HERC1: variants seen among roughly 807,000 people sequenced by gnomAD.
HERC1 encodes probable E3 ubiquitin-protein ligase HERC1.
Under a neutral mutation model 554.3 loss-of-function variants are expected in HERC1, and 160 were observed. The ratio of observed to expected loss-of-function variants is 0.29; its 90% CI spans 0.25 to 0.33. HERC1 has a LOEUF of 0.33. Among genes scored for constraint, HERC1 ranks in the 10% least tolerant of loss-of-function variants. HERC1 has a pLI of 1.00. For synonymous variants in HERC1, 2,175 were observed against 2,131.7 expected, an observed-to-expected ratio of 1.02 and a Z score of -0.56; for missense variants, 4,919 against 5,918.5, an observed-to-expected ratio of 0.83 and a Z score of 5.54.
At chr15:63,782,496 C>G (rs964935485) in intron 1 of HERC1, among the ~76,000 whole-genome samples, 25 of 152,294 alleles carry the variant, frequency 1.6e-4, no homozygotes, top group Non-Finnish European at 1.0e-4. Flanking sequence ...AGCTTCCTTT[C>G]AAAACATTAC....
intron 54 of HERC1, among the ~76,000 whole-genome samples, chr15:63,648,987 A>G (rs2069505345): frequency 6.6e-6 from 1 of 152,178 alleles, no homozygotes; most frequent in Non-Finnish European, 1.5e-5. Context: ...AGACTTCCTA[A>G]TCTCTCTTGT....
chr15:63,627,469 T>A (rs1595849660), intron 70 of HERC1, among the ~76,000 whole-genome samples: 2 of 150,708 alleles, frequency 1.3e-5, no homozygotes, highest in Admixed American at 1.3e-4. Flanking sequence ...AGGTCAGGAG[T>A]TCAAGACCAG....
intron 1 of HERC1, among the ~76,000 whole-genome samples, chr15:63,831,932 G>A (rs191735639): frequency 3.3e-5 from 5 of 152,310 alleles, no homozygotes; most frequent in Non-Finnish European, 2.9e-5. Flanking sequence ...GAATGGATGT[G>A]TCACATGCAA....
chr15:63,674,418 T>C lies in HERC1; in HGVS notation c.7770A>G (p.Glu2590=). The change falls in exon 38 of 78, where the codon GAA becomes GAG. Residue 2590 remains glutamate, a synonymous_variant. Coordinates refer to ENST00000443617, the MANE Select transcript of HERC1 (RefSeq NM_003922.4). ...ATTTATAGATCATGGCTTGCGCTCG[T>C]TCCAGATCAGCTAATCCCAATGCTC... ...IKRALGLADL[E]RAQAMIYKLV... is the part of the protein sequence containing the mutation. 6.2e-7 allele frequency: 1 copy of C among 1,613,942 alleles called. No homozygotes were observed. Among genetic ancestry groups the C allele is most frequent in the East Asian group, 2.2e-5 (1 of 44,876 alleles).
chr15:63,816,869 T>G (rs886746374), intron 1 of HERC1, among the ~76,000 whole-genome samples: 2 of 152,072 alleles, frequency 1.3e-5, no homozygotes, highest in African/African-American at 2.4e-5. Context: ...AATTAAGAAG[T>G]CTAAGCAATT....
intron 47 of HERC1, among the ~76,000 whole-genome samples, 183 bp from the exon 48 acceptor site, chr15:63,658,901 A>G (rs1197464692): frequency 6.6e-6 from 1 of 152,188 alleles, no homozygotes; most frequent in Non-Finnish European, 1.5e-5. Context: ...GAACTTGGAT[A>G]TTTCTAACTT....
intron 14 of HERC1, among the ~76,000 whole-genome samples, chr15:63,731,117 A>T (rs1004862478): frequency 6.6e-6 from 1 of 152,226 alleles, no homozygotes; most frequent in African/African-American, 2.4e-5. Context: ...AAAATATGAT[A>T]AAATATTCCA....
chr15:63,790,141 G>A (rs961546744), intron 1 of HERC1, among the ~76,000 whole-genome samples: 7 of 152,148 alleles, frequency 4.6e-5, no homozygotes, highest in African/African-American at 1.7e-4. Flanking sequence ...AGGGCTACAT[G>A]ATATAACACA....
chr15:63,654,723 C>G (rs1293997739), intron 50 of HERC1, among the ~76,000 whole-genome samples: 1 of 151,234 alleles, frequency 6.6e-6, no homozygotes, highest in Non-Finnish European at 1.5e-5. Context: ...ATTAGCCACA[C>G]CATGGTATGG....
intron 12 of HERC1, among the ~76,000 whole-genome samples, chr15:63,741,206 T>A (rs1223396943): frequency 6.6e-6 from 1 of 152,030 alleles, no homozygotes; most frequent in Admixed American, 6.5e-5. Flanking sequence ...TTTTTGTATT[T>A]TTAGTAGAGA....
In HERC1 at chr15:63,790,956, T is replaced by C. The variant is rs377497125; in HGVS notation, c.-26-15307A>G. 3.5e-4 allele frequency among the ~76,000 whole-genome samples: 54 copies of C among 152,306 alleles called. 2 individuals carry two copies. The East Asian group carries it at 0.01, about 29-fold the overall frequency. ...ATATAAAAACTGAAAGATATCTTTA[T>C]AGAAGGCTTGTTTTTACGAACATCA... On this transcript the variant is annotated intron_variant, in intron 1 of 77. Transcript: ENST00000443617.
At chr15:63,733,771 G>A (rs532983219) in intron 13 of HERC1, among the ~76,000 whole-genome samples, 2 of 152,168 alleles carry the variant, frequency 1.3e-5, no homozygotes, top group Non-Finnish European at 2.9e-5. Flanking sequence ...AGAATCACTT[G>A]AGCCCAAGAG....
At chr15:63,811,581 G>C (rs1203545015) in intron 1 of HERC1, among the ~76,000 whole-genome samples, 2 of 151,926 alleles carry the variant, frequency 1.3e-5, no homozygotes, top group African/African-American at 2.4e-5. Context: ...CGGCCGAGAC[G>C]GGCAGATCAC....
At chr15:63,815,287 G>A (rs1355179051) in intron 1 of HERC1, among the ~76,000 whole-genome samples, 2 of 152,126 alleles carry the variant, frequency 1.3e-5, no homozygotes, top group African/African-American at 2.4e-5. Context: ...TTGCAATATA[G>A]AGTAGTGACT....
At chr15:63,679,881 AGAACAT>A (rs1158159722) in intron 36 of HERC1, among the ~76,000 whole-genome samples, 190 bp downstream of exon 36, 1 of 152,268 alleles carries the variant, frequency 6.6e-6, no homozygotes, top group Non-Finnish European at 1.5e-5. Context: ...TCAAATTGCC[AGAACAT>A]GAAATAGTGC....
intron 54 of HERC1, among the ~76,000 whole-genome samples, chr15:63,649,171 G>A (rs1457933555): frequency 6.6e-6 from 1 of 152,170 alleles, no homozygotes; most frequent in Non-Finnish European, 1.5e-5. Context: ...TGGCCAACAT[G>A]GTGAAACCCT....
At chr15:63,752,907 C>G in intron 8 of HERC1, 51 bp downstream of exon 8, 1 of 1,539,352 alleles carries the variant, frequency 6.5e-7, no homozygotes. Flanking sequence ...TTTTTAGTCA[C>G]CTAATCCTCT....
At chr15:63,776,360 G>T (rs2076114719) in intron 1 of HERC1, among the ~76,000 whole-genome samples, 1 of 152,132 alleles carries the variant, frequency 6.6e-6, no homozygotes, top group African/African-American at 2.4e-5. Context: ...CTCAATAAAT[G>T]GTAACTCCAT....
intron 40 of HERC1, 45 bp from the exon 41 acceptor site, chr15:63,666,517 A>T: frequency 8.1e-7 from 1 of 1,234,000 alleles, no homozygotes; most frequent in Non-Finnish European, 1.2e-6. Context: ...ATCACTAGAT[A>T]CCGTGAGTAA....
Sources: allele counts gnomAD v4.1 joint callset (sites outside exome capture counted in the v4.1 genomes callset), GRCh38; gene constraint gnomAD v4.1.1; transcripts MANE v1.5; gene names NCBI Gene and HGNC (gene_info 2026-07-23, HGNC 2026-07-21).